MAGI2: variants seen among roughly 807,000 people sequenced by gnomAD.
The protein encoded by MAGI2 is membrane-associated guanylate kinase, WW and PDZ domain-containing protein 2.
In MAGI2, 35 loss-of-function variants were observed where a neutral mutation model predicts 133.3. That is an observed-to-expected ratio of 0.26 (90% CI 0.20 to 0.35). The LOEUF (loss-of-function observed/expected upper bound fraction) is 0.35, where lower values mean the gene tolerates loss of function less well. Among genes scored for constraint, MAGI2 ranks in the 10% least tolerant of loss-of-function variants. The pLI is 1.00. For synonymous variants in MAGI2, 729 were observed against 710.6 expected, an observed-to-expected ratio of 1.03 and a Z score of -0.41; for missense variants, 1,636 against 1,863.4, an observed-to-expected ratio of 0.88 and a Z score of 2.25.
At chr7:79,415,026 T>C (rs1164131992) in intron 1 of MAGI2, 1 of 152,168 alleles carries the variant, frequency 6.6e-6, no homozygotes, top group Non-Finnish European at 1.5e-5. Context: ...GTGGCCAAGA[T>C]TTCAAGGACA....
At chr7:78,337,659 TGTTAATTTTTGAG>T (rs1428065816) in intron 9 of MAGI2, among the ~76,000 whole-genome samples, 38 of 152,218 alleles carry the variant, frequency 2.5e-4, no homozygotes, top group Admixed American at 2.4e-3. Context: ...CTATTATTTG[TGTTAATTTTTGAG>T]GTTCATTTGA....
intron 3 of MAGI2, among the ~76,000 whole-genome samples, chr7:78,577,370 C>T (rs1328867277): frequency 6.6e-6 from 1 of 152,032 alleles, no homozygotes; most frequent in African/African-American, 2.4e-5. Flanking sequence ...TAATATGAGT[C>T]AGCAATATGT....
chr7:78,526,975 T>C (rs1391814228), intron 3 of MAGI2, among the ~76,000 whole-genome samples: 1 of 109,676 alleles, frequency 9.1e-6, no homozygotes, highest in Non-Finnish European at 1.7e-5. Flanking sequence ...GCCACTGCAC[T>C]CCAGCATGGT....
At chr7:78,687,689 C>T (rs922646056) in intron 2 of MAGI2, among the ~76,000 whole-genome samples, 1 of 152,048 alleles carries the variant, frequency 6.6e-6, no homozygotes, top group Non-Finnish European at 1.5e-5. Context: ...AGCTTATAGA[C>T]TGGGCGCGGT....
Position 78,297,835 on chromosome 7 carries a change from GGGGGGA to G in MAGI2, c.1409-41260_1409-41255del, listed in dbSNP as rs374367179. On this transcript the variant is annotated intron_variant, in intron 9 of 21. Coordinates refer to ENST00000354212, the MANE Select transcript of MAGI2 (RefSeq NM_012301.4). ...CACACTCTGGGGACTGTTGTGGGGT[GGGGGGA>G]GGGGGAGGGGGGAGGGATAGCATTG... Among the ~76,000 whole-genome samples, 393 of 103,542 alleles carry G rather than the reference GGGGGGA, an allele frequency of 3.8e-3. 7 individuals carry two copies. The highest frequency in any genetic ancestry group is 0.027 in the East Asian group (90 of 3,376). 67.9% of individuals were successfully genotyped at this position (103,542 alleles called of 152,430 possible). A position where few individuals can be genotyped will look rare whatever the true frequency, so the allele number is the denominator to read the frequency against.
rs1373986904 is a variant in MAGI2 at position 78,108,679 on chromosome 7, T to TATATGTGAGTGTATACACACAC, written c.3567+16993_3567+17014dup. Among the ~76,000 whole-genome samples, 5 of 151,064 alleles carry TATATGTGAGTGTATACACACAC rather than the reference T, an allele frequency of 3.3e-5. No homozygotes were observed. The South Asian group carries it at 6.3e-4, about 19-fold the overall frequency. On this transcript the variant is annotated intron_variant, in intron 20 of 21. Coordinates refer to ENST00000354212, the MANE Select transcript of MAGI2 (RefSeq NM_012301.4). ...GTGTGTGTGTGTGTGTATACACACA[T>TATATGTGAGTGTATACACACAC]ATATGTGAGTGTATACACACACATA...
intron 1 of MAGI2, among the ~76,000 whole-genome samples, chr7:79,029,568 A>G (rs1337031144): frequency 6.6e-6 from 1 of 152,214 alleles, no homozygotes; most frequent in Non-Finnish European, 1.5e-5. Flanking sequence ...ATATCATTTT[A>G]GAACTCATTT....
At chr7:79,305,009 C>A (rs1016678381) in intron 1 of MAGI2, among the ~76,000 whole-genome samples, 1 of 152,116 alleles carries the variant, frequency 6.6e-6, no homozygotes, top group Non-Finnish European at 1.5e-5. Context: ...ACAAACAATT[C>A]TCCCATCACT....
intron 1 of MAGI2, among the ~76,000 whole-genome samples, chr7:79,443,936 T>C (rs2129200133): frequency 6.6e-6 from 1 of 152,302 alleles, no homozygotes; most frequent in East Asian, 1.9e-4. Flanking sequence ...ATTCCTGATG[T>C]CATATGCATG....
chr7:78,254,343 G>A (rs757949003), intron 10 of MAGI2: 6 of 152,156 alleles, frequency 3.9e-5, no homozygotes, highest in Non-Finnish European at 2.9e-5. Context: ...CAGTGAGTTT[G>A]TGATACCATT....
In MAGI2 at chr7:78,804,447, T is replaced by A. The variant is rs796204289; in HGVS notation, c.419-177208A>T. ...TAAACAAAATAAAACTAAACTAAAC[T>A]AAAAAAAAAAAAAACTTTGGGCCAG... On this transcript the variant is annotated intron_variant, in intron 2 of 21. Coordinates refer to ENST00000354212, the MANE Select transcript of MAGI2 (RefSeq NM_012301.4). Among the ~76,000 whole-genome samples the A allele has an allele frequency of 2.3e-3, 305 of 134,806 alleles. 1 individual carries two copies. Among genetic ancestry groups the A allele is most frequent in the African/African-American group, 7.4e-3 (271 of 36,572 alleles). 88.4% of individuals were successfully genotyped at this position (134,806 alleles called of 152,430 possible).
At position 78,160,171 on chromosome 7, in the gene MAGI2, G is replaced by A. The variant is rs749397728; in HGVS notation, c.2699C>T (p.Ala900Val). ...YATYTNSNHA[A>V]PSSNASPPEG... ...AGGGGGAGAGGCATTGCTACTGGGG[G>A]CAGCGTGGTTGCTGTTGGTGTAGGT... Residue 900 changes from alanine to valine, a missense_variant, in exon 16 of 22, where the codon GCC becomes GTC. Transcript: ENST00000354212. The A allele has an allele frequency of 1.4e-5, 22 of 1,612,788 alleles. No individual in the cohort carries two copies. The East Asian group carries it at 1.6e-4, about 11-fold the overall frequency.
chr7:78,711,404 T>C (rs1819175823), intron 2 of MAGI2, among the ~76,000 whole-genome samples: 1 of 152,112 alleles, frequency 6.6e-6, no homozygotes, highest in Admixed American at 6.6e-5. Flanking sequence ...TTCATAACGC[T>C]TATGTGTAAA....
chr7:79,273,008 T>G (rs1379176671), intron 1 of MAGI2, among the ~76,000 whole-genome samples: 1 of 152,112 alleles, frequency 6.6e-6, no homozygotes, highest in Non-Finnish European at 1.5e-5. Flanking sequence ...AAGTTCTTTT[T>G]CCAAATTTCT....
chr7:78,225,337 A>T (rs1377241949), intron 10 of MAGI2, among the ~76,000 whole-genome samples: 1 of 150,602 alleles, frequency 6.6e-6, no homozygotes, highest in Non-Finnish European at 1.5e-5. Flanking sequence ...CCCACATTTA[A>T]TTTTTTTATT....
chr7:78,257,867 A>G (rs988296481), intron 9 of MAGI2, among the ~76,000 whole-genome samples: 1 of 152,188 alleles, frequency 6.6e-6, no homozygotes, highest in Non-Finnish European at 1.5e-5. Flanking sequence ...CTGGAATGGG[A>G]GGTACAAATG....
intron 2 of MAGI2, among the ~76,000 whole-genome samples, chr7:78,794,185 C>A (rs1787408429): frequency 6.6e-6 from 1 of 152,086 alleles, no homozygotes; most frequent in South Asian, 2.1e-4. Context: ...AGAACTGGGA[C>A]CAGTGAGAAC....
intron 2 of MAGI2, among the ~76,000 whole-genome samples, chr7:78,732,327 A>G (rs1423012563): frequency 6.6e-6 from 1 of 152,174 alleles, no homozygotes; most frequent in Non-Finnish European, 1.5e-5. Context: ...TTTCCAAACT[A>G]AAAATCAGGA....
chr7:79,208,387 T>C (rs1422746293), intron 1 of MAGI2, among the ~76,000 whole-genome samples: 1 of 151,672 alleles, frequency 6.6e-6, no homozygotes, highest in Non-Finnish European at 1.5e-5. Context: ...AGAACATGAA[T>C]GGACGTCTCC....
Sources: allele counts gnomAD v4.1 joint callset (sites outside exome capture counted in the v4.1 genomes callset), GRCh38; gene constraint gnomAD v4.1.1; transcripts MANE v1.5; gene names NCBI Gene and HGNC (gene_info 2026-07-23, HGNC 2026-07-21).